FRMPD4: variants seen among roughly 807,000 people sequenced by gnomAD.
The protein encoded by FRMPD4 is FERM and PDZ domain containing 4.
A neutral mutation model predicts 94.1 loss-of-function variants in FRMPD4; 22 were observed. The observed-to-expected ratio is 0.23, with a 90% CI of 0.17 to 0.33. FRMPD4 has a LOEUF of 0.33. Ranked by LOEUF, FRMPD4 falls within the 10% of genes least tolerant of loss-of-function variation. FRMPD4 has a pLI of 1.00. For synonymous variants in FRMPD4, 631 were observed against 548.6 expected (o/e 1.15, Z -2.10); for missense variants, 1,111 against 1,339.9 (o/e 0.83, Z 2.67).
chrX:12,393,164 A>G (rs2056499534), intron 1 of FRMPD4, among the ~76,000 whole-genome samples: 1 of 112,243 alleles, frequency 8.9e-6, no homozygotes, highest in African/African-American at 3.2e-5. Context: ...ATAAAGTACT[A>G]CTAGTAGAAT....
At chrX:12,508,947 G>A (rs375672042) in intron 2 of FRMPD4, among the ~76,000 whole-genome samples, 4 of 87,089 alleles carry the variant, frequency 4.6e-5, no homozygotes, top group African/African-American at 9.2e-5. Context: ...AGCTGAGATC[G>A]CACCATTGCA....
At chrX:12,104,322 C>T (rs191996049) in intron 3 of FRMPD4, among the ~76,000 whole-genome samples, 1 of 112,062 alleles carries the variant, frequency 8.9e-6, no homozygotes, top group African/African-American at 3.2e-5. Context: ...AATTAGTAAG[C>T]AGGGTTACTA....
intron 3 of FRMPD4, among the ~76,000 whole-genome samples, chrX:12,068,553 C>T (rs896453041): frequency 3.6e-5 from 4 of 111,745 alleles, no homozygotes; most frequent in Non-Finnish European, 7.5e-5. Flanking sequence ...AAGCTCCTCC[C>T]CTCCTCTGCT....
chrX:12,177,065 T>A (rs2056304441), intron 1 of FRMPD4, among the ~76,000 whole-genome samples: 1 of 112,520 alleles, frequency 8.9e-6, no homozygotes, highest in African/African-American at 3.2e-5. Flanking sequence ...AATGAAAAGA[T>A]GCTATTAGTT....
At chrX:12,034,869 T>C (rs2054712097) in intron 3 of FRMPD4, among the ~76,000 whole-genome samples, 1 of 112,230 alleles carries the variant, frequency 8.9e-6, no homozygotes, top group Admixed American at 9.4e-5. Context: ...GCAACCAGCG[T>C]TTGAGTGTTT....
chrX:12,383,069 G>A (rs565632501), intron 1 of FRMPD4, among the ~76,000 whole-genome samples: 1 of 111,391 alleles, frequency 9.0e-6, no homozygotes, highest in African/African-American at 3.3e-5. Context: ...AAATTATGTC[G>A]TACTAGTTTT....
intron 1 of FRMPD4, among the ~76,000 whole-genome samples, chrX:12,426,665 A>G (rs904724596): frequency 9.0e-6 from 1 of 111,303 alleles, no homozygotes. Flanking sequence ...GAACAGGGAA[A>G]ATGGAAGGAG....
At chrX:12,405,943 A>G (rs996566524) in intron 1 of FRMPD4, among the ~76,000 whole-genome samples, 1 of 110,818 alleles carries the variant, frequency 9.0e-6, no homozygotes, top group African/African-American at 3.3e-5. Flanking sequence ...TGATGAGGAG[A>G]TTAGAAATAC....
chrX:11,885,806 C>A (rs1184734498), intron 3 of FRMPD4, among the ~76,000 whole-genome samples: 3 of 111,239 alleles, frequency 2.7e-5, no homozygotes, highest in Admixed American at 9.6e-5. Flanking sequence ...AAGGGCCCAT[C>A]GCTTTTTTCA....
rs189466006 is a variant in FRMPD4 at position 12,011,686 on chromosome X, A to G, written c.95+133668A>G. The stretch of plus-strand genomic sequence containing the variant: ...TTACTTTCTAAGTATTGGTTTTGTC[A>G]TCTGTGATATGGAGGAATAATTGTA... On this transcript the variant is annotated intron_variant, in intron 3 of 18. Transcript: ENST00000640291. Among the ~76,000 whole-genome samples, 347 of 111,552 alleles carry G rather than the reference A, an allele frequency of 3.1e-3. 3 individuals carry two copies. The highest frequency in any genetic ancestry group is 0.011 in the African/African-American group (325 of 30,677).
At position 12,717,975 on chromosome X, in the gene FRMPD4, A is replaced by G; in HGVS notation, c.3149A>G (p.Gln1050Arg). ...PNGNTTGKKQ[Q>R]GTKTAEMEEE... ...GGGAACACAACAGGAAAAAAACAGCAGGGGACCAAAACGGCAGAGATGGAG... is the reference window on the plus strand; with the variant it reads ...GGGAACACAACAGGAAAAAAACAGCGGGGGACCAAAACGGCAGAGATGGAG... Residue 1050 changes from glutamine (Q) to arginine (R), a missense_variant, in exon 16 of 17, where the codon CAG (glutamine) becomes CGG (arginine). Around this residue, in one of 8 missense-constraint regions of FRMPD4, gnomAD observed 551 missense variants for 591.6 expected, o/e 0.93. Coordinates refer to ENST00000675598, the MANE Select transcript of FRMPD4 (RefSeq NM_001368397.1). The G allele has an allele frequency of 8.3e-7, 1 of 1,211,880 alleles. No individual in the cohort carries two copies. The highest frequency in any genetic ancestry group is 1.1e-6 in the Non-Finnish European group (1 of 895,227).
intron 1 of FRMPD4, among the ~76,000 whole-genome samples, chrX:12,197,235 C>A (rs934173854): frequency 1.8e-5 from 2 of 111,046 alleles, no homozygotes; most frequent in Non-Finnish European, 3.8e-5. Context: ...CCAGGAGTGA[C>A]CCCAGTGTGA....
At chrX:11,831,108 G>A (rs931601998) in intron 1 of FRMPD4, among the ~76,000 whole-genome samples, 8 of 109,746 alleles carry the variant, frequency 7.3e-5, no homozygotes, top group Admixed American at 5.9e-4. Context: ...ATCAAAAACC[G>A]GTGGTAGTTT....
chrX:12,379,994 A>G (rs2056297617), intron 1 of FRMPD4, among the ~76,000 whole-genome samples: 1 of 111,139 alleles, frequency 9.0e-6, no homozygotes, highest in Non-Finnish European at 1.9e-5. Flanking sequence ...AGAGAATGCA[A>G]AGTCTCCGGG....
At chrX:12,379,193 A>G (rs186369790) in intron 1 of FRMPD4, among the ~76,000 whole-genome samples, 54 of 112,301 alleles carry the variant, frequency 4.8e-4, no homozygotes, top group Non-Finnish European at 8.3e-4. Flanking sequence ...AATGATTTTT[A>G]CATGTGTTTG....
At chrX:12,155,097 C>T (rs1455646133) in intron 1 of FRMPD4, among the ~76,000 whole-genome samples, 1 of 112,226 alleles carries the variant, frequency 8.9e-6, no homozygotes, top group Non-Finnish European at 1.9e-5. Context: ...AAATGGTCTT[C>T]TCTGGCTCAC....
intron 1 of FRMPD4, among the ~76,000 whole-genome samples, chrX:12,462,170 TGAG>T (rs2057397484): frequency 8.9e-6 from 1 of 112,057 alleles, no homozygotes; most frequent in African/African-American, 3.2e-5. Flanking sequence ...TCCAATAGAC[TGAG>T]GAGCTAAATT....
At chrX:11,907,308 A>G (rs746181401) in intron 3 of FRMPD4, among the ~76,000 whole-genome samples, 12 of 111,213 alleles carry the variant, frequency 1.1e-4, no homozygotes, top group Non-Finnish European at 2.3e-4. Flanking sequence ...TTCCCTGAAT[A>G]TGGGTTATAC....
chrX:12,031,083 T>C (rs2054688879), intron 3 of FRMPD4, among the ~76,000 whole-genome samples: 2 of 112,112 alleles, frequency 1.8e-5, no homozygotes, highest in Admixed American at 9.4e-5. Context: ...AACTATAATG[T>C]AACAACACCA....
Sources: allele counts gnomAD v4.1 joint callset (sites outside exome capture counted in the v4.1 genomes callset), GRCh38; gene constraint gnomAD v4.1.1; regional missense constraint gnomAD v4.1.1; transcripts MANE v1.5; gene names NCBI Gene and HGNC (gene_info 2026-07-23, HGNC 2026-07-21).